Variants in FGFR1 observed in about 807,000 individuals in gnomAD.
FGFR1 encodes FGFR1/PLAG1 fusion.
Under a neutral mutation model 93.7 loss-of-function variants are expected in FGFR1, and 18 were observed. That is an observed-to-expected ratio of 0.19 (90% confidence interval 0.13 to 0.28). The LOEUF (loss-of-function observed/expected upper bound fraction) is 0.28, where lower values mean the gene tolerates loss of function less well. Ranked by LOEUF, FGFR1 falls within the 10% of genes least tolerant of loss-of-function variation. The pLI is 1.00. For missense variants in FGFR1, 731 were observed against 1,080.4 expected (o/e 0.68, Z 4.53); for synonymous variants, 448 against 429.3 (o/e 1.04, Z -0.54).
At position 38,448,909 on chromosome 8, in the gene FGFR1, C is replaced by T. The variant is rs556528855; in HGVS notation, c.91+8447G>A. 3.3e-5 allele frequency among the ~76,000 whole-genome samples: 5 copies of T among 152,196 alleles called. No homozygotes were observed. The East Asian group carries it at 7.7e-4, about 24-fold the overall frequency. On this transcript the variant is annotated intron_variant, in intron 2 of 17. Coordinates refer to ENST00000447712, the MANE Select transcript of FGFR1 (RefSeq NM_023110.3). The stretch of plus-strand genomic sequence containing the variant: ...GGCAGAGGTTGCAGTGAGCCGAGAT[C>T]GCGCCACTGCACTCCAGCCTGGATG...
At chr8:38,440,393 G>T (rs1826987836) in intron 2 of FGFR1, 1 of 1,565,002 alleles carries the variant, frequency 6.4e-7, no homozygotes, top group South Asian at 1.2e-5. Context: ...TTTGGGTGGA[G>T]AGAGCCCCAA....
chr8:38,434,329 CTTTTTT>C (rs57569029), intron 2 of FGFR1: 4 of 113,850 alleles, frequency 3.5e-5, no homozygotes, highest in Admixed American at 1.0e-4. Flanking sequence ...ATTGCTGCTG[CTTTTTT>C]TTTTTTTTTT....
At chr8:38,451,650 C>G (rs781606099) in intron 2 of FGFR1, among the ~76,000 whole-genome samples, 3 of 152,130 alleles carry the variant, frequency 2.0e-5, no homozygotes, top group Admixed American at 6.5e-5. Flanking sequence ...CCTCTCCCCC[C>G]TCTAACAAGC....
intron 7 of FGFR1, chr8:38,423,210 C>A: frequency 1.3e-6 from 1 of 775,126 alleles, no homozygotes; most frequent in South Asian, 1.4e-5. Flanking sequence ...GTCAGTTGGG[C>A]AAAGCTGAGA....
chr8:38,418,716 A>C, intron 9 of FGFR1: 1 of 359,594 alleles, frequency 2.8e-6, no homozygotes, highest in Non-Finnish European at 5.3e-6. Context: ...TGGATTCCTA[A>C]CTCCCAAAGC....
At chr8:38,437,607 G>T (rs1330848231) in intron 2 of FGFR1, among the ~76,000 whole-genome samples, 1 of 152,212 alleles carries the variant, frequency 6.6e-6, no homozygotes, top group Non-Finnish European at 1.5e-5. Flanking sequence ...AGAAGAGAAT[G>T]AAGTGCTTAC....
chr8:38,418,424 C>T, intron 9 of FGFR1, 51 bp from the exon 10 acceptor site: 2 of 1,587,038 alleles, frequency 1.3e-6, no homozygotes, highest in Non-Finnish European at 1.7e-6. Context: ...GACGGGGTGA[C>T]TCCTTCCCAT....
chr8:38,460,748 C>A (rs1446847858), intron 1 of FGFR1, among the ~76,000 whole-genome samples: 10 of 152,204 alleles, frequency 6.6e-5, no homozygotes, highest in Admixed American at 6.5e-4. Context: ...CACCCCATGC[C>A]ACCCGCCTGC....
At chr8:38,465,920 C>A (rs966417450) in intron 1 of FGFR1, 4 of 225,862 alleles carry the variant, frequency 1.8e-5, no homozygotes, top group Admixed American at 1.1e-4. Context: ...AGAGAAAGTG[C>A]GATTTCATTA....
rs776292579 is a variant in FGFR1 at position 38,424,256 on chromosome 8, C to T, written c.936+253G>A. ...TGACCCCAAAGCCCCAGTGACGTTG[C>T]TCTCAAAGCTTATTACAGACCAGCA... On this transcript the variant is annotated intron_variant, in intron 7 of 17. Transcript: ENST00000447712. This position sits in a 1 kb window ranked among gnomAD's most constrained non-coding sequence, Gnocchi z 4.3. 4.6e-6 allele frequency: 3 copies of T among 652,140 alleles called. No individual in the cohort carries two copies. Among genetic ancestry groups the T allele is most frequent in the South Asian group, 3.2e-5 (2 of 62,728 alleles). The allele number at this position is 652,140 out of a possible 1,614,324, so 40.4% of individuals were successfully genotyped here.
chr8:38,439,830 C>T lies in FGFR1; in HGVS notation c.92-9882G>A, dbSNP rs558154772. On this transcript the variant is annotated intron_variant, in intron 2 of 17. Coordinates refer to ENST00000447712, the MANE Select transcript of FGFR1 (RefSeq NM_023110.3). ...CCACCTCTCCCCAACATGAATGTGC[C>T]TTTCCCTAGAGCTGAAAATGTTCAT... is the stretch of plus-strand genomic sequence containing the variant. 3.3e-5 allele frequency among the ~76,000 whole-genome samples: 5 copies of T among 152,294 alleles called. No homozygotes were observed. In the South Asian group the frequency reaches 1.0e-3, roughly 32 times the overall value.
rs748876303 is a variant in FGFR1, at chr8:38,426,113, C to A, written c.745+9G>T. 2.5e-6 allele frequency: 4 copies of A among 1,614,128 alleles called. No homozygotes were observed. Among genetic ancestry groups the A allele is most frequent in the Non-Finnish European group, 3.4e-6 (4 of 1,180,010 alleles). ...AAACTCATTCCTCCTGCTGCCTCTG[C>A]CCTCTTACCCACGACATCCAGCTGG... On this transcript the variant is annotated intron_variant, in intron 6 of 17. Coordinates refer to ENST00000447712, the MANE Select transcript of FGFR1 (RefSeq NM_023110.3). The surrounding 1 kb of genome is among the most constrained non-coding windows in gnomAD (Gnocchi z 4.1).
chr8:38,429,413 G>C lies in FGFR1; in HGVS notation c.358+269C>G, dbSNP rs752977624. ...AAGCTGTGGTGGAAAAAAATCACAG[G>C]GTCTTAACATCCCAAGAGCCCTGGC... On this transcript the variant is annotated intron_variant, in intron 3 of 17. Transcript: ENST00000447712. This position sits in a 1 kb window ranked among gnomAD's most constrained non-coding sequence, Gnocchi z 4.4. 2.9e-6 allele frequency: 2 copies of C among 697,820 alleles called. No individual in the cohort carries two copies. Among genetic ancestry groups the C allele is most frequent in the East Asian group, 5.5e-5 (2 of 36,204 alleles). 43.2% of individuals were successfully genotyped at this position (697,820 alleles called of 1,614,324 possible). A position where few individuals can be genotyped will look rare whatever the true frequency, so the allele number is the denominator to read the frequency against.
rs775166971 is a variant in FGFR1 at position 38,413,672 on chromosome 8, G to A, written c.2425C>T (p.Arg809Ter). Residue 809 changes from arginine to a stop codon, truncating the protein, a stop_gained, in exon 18 of 18, where the codon CGA becomes TGA. Transcript: ENST00000447712. LOFTEE classifies it high-confidence loss of function. This position sits in a 1 kb window ranked among gnomAD's most constrained non-coding sequence, Gnocchi z 4.2. ...EPLPEEPCLP[R>*]HPAQLANGGL... Reference sequence around the variant, plus strand: ...CCATTGGCAAGCTGGGCTGGGTGTCGGGGCAGGCAGGGCTCCTCGGGCAGC... The same window carrying A: ...CCATTGGCAAGCTGGGCTGGGTGTCAGGGCAGGCAGGGCTCCTCGGGCAGC... 32 of 1,613,100 alleles carry A rather than the reference G, an allele frequency of 2.0e-5. No homozygotes were observed. The Middle Eastern group carries it at 9.9e-4, about 50-fold the overall frequency.
At chr8:38,437,474 A>C (rs1311501544) in intron 2 of FGFR1, among the ~76,000 whole-genome samples, 3 of 152,258 alleles carry the variant, frequency 2.0e-5, no homozygotes, top group Non-Finnish European at 1.5e-5. Context: ...AGGCAGGTCT[A>C]GCACAGGCTC....
At chr8:38,431,993 C>T (rs1027442791) in intron 2 of FGFR1, among the ~76,000 whole-genome samples, 1 of 152,184 alleles carries the variant, frequency 6.6e-6, no homozygotes, top group African/African-American at 2.4e-5. Flanking sequence ...CCTCAAATGA[C>T]CTCGGTGATT....
intron 2 of FGFR1, among the ~76,000 whole-genome samples, chr8:38,448,744 C>G (rs1392776297): frequency 6.6e-6 from 1 of 152,088 alleles, no homozygotes; most frequent in Admixed American, 6.6e-5. Flanking sequence ...CACTTGAAGT[C>G]AGGAGCTCAA....
At chr8:38,415,127 C>T (rs942166487) in intron 13 of FGFR1, among the ~76,000 whole-genome samples, 1 of 152,228 alleles carries the variant, frequency 6.6e-6, no homozygotes, top group African/African-American at 2.4e-5. Flanking sequence ...CCCCTTATGC[C>T]TCTGCTGCGT....
chr8:38,451,312 A>T (rs1425495429), intron 2 of FGFR1, among the ~76,000 whole-genome samples: 3 of 151,926 alleles, frequency 2.0e-5, no homozygotes, highest in African/African-American at 7.3e-5. Flanking sequence ...ACCACAGTCC[A>T]GTGTAGATGC....
Sources: allele counts gnomAD v4.1 joint callset (sites outside exome capture counted in the v4.1 genomes callset), GRCh38; gene constraint gnomAD v4.1.1; non-coding constraint Gnocchi (gnomAD v3.1); transcripts MANE v1.5; gene names NCBI Gene and HGNC (gene_info 2026-07-23, HGNC 2026-07-21).